The following ADAMTS12 variants were observed in gnomAD, a reference collection of about 807,000 sequenced individuals.
The protein encoded by ADAMTS12 is A disintegrin and metalloproteinase with thrombospondin motifs 12.
ADAMTS12 carries 118 observed loss-of-function variants against 167.8 expected under a neutral mutation model. The ratio of observed to expected loss-of-function variants is 0.70; its 90% confidence interval spans 0.61 to 0.82. The LOEUF (loss-of-function observed/expected upper bound fraction) is 0.82. Ranked by LOEUF, ADAMTS12 falls within the 40% of genes least tolerant of loss-of-function variation. ADAMTS12 has a pLI of 0.00. For missense variants in ADAMTS12, 1,916 were observed against 1,998.8 expected, an observed-to-expected ratio of 0.96 and a Z score of 0.79; for synonymous variants, 704 against 716.9, an observed-to-expected ratio of 0.98 and a Z score of 0.29.
At chr5:33,711,240 T>A (rs1743392309) in intron 3 of ADAMTS12, among the ~76,000 whole-genome samples, 1 of 151,970 alleles carries the variant, frequency 6.6e-6, no homozygotes, top group African/African-American at 2.4e-5. Context: ...TCCAGCCACA[T>A]CCCCACCTCC....
chr5:33,602,488 A>C (rs766900924), intron 16 of ADAMTS12, among the ~76,000 whole-genome samples: 49 of 152,328 alleles, frequency 3.2e-4, no homozygotes, highest in South Asian at 1.5e-3. Context: ...GAAGTCCTAC[A>C]TTATGACAGA....
rs1312800606 is a variant in ADAMTS12, at chr5:33,728,843, T to C, written c.634+22561A>G. Among the ~76,000 whole-genome samples the C allele has an allele frequency of 4.6e-5, 7 of 152,386 alleles. No individual in the cohort carries two copies. The East Asian group carries it at 1.3e-3, about 29-fold the overall frequency. On this transcript the variant is annotated intron_variant, in intron 3 of 23. Coordinates refer to ENST00000504830, the MANE Select transcript of ADAMTS12 (RefSeq NM_030955.4). Reference sequence around the variant, plus strand: ...TCATCATTTCACCTCTCAGTTGTACTAATCTCATTTATAAAGTATATTTCA... The same window carrying C: ...TCATCATTTCACCTCTCAGTTGTACCAATCTCATTTATAAAGTATATTTCA...
intron 2 of ADAMTS12, among the ~76,000 whole-genome samples, chr5:33,835,235 G>A (rs1214192108): frequency 6.6e-6 from 1 of 152,120 alleles, no homozygotes; most frequent in Non-Finnish European, 1.5e-5. Context: ...AAAGGCAGGG[G>A]GGCCATGTCT....
intron 22 of ADAMTS12, among the ~76,000 whole-genome samples, chr5:33,544,764 G>A (rs888917294): frequency 2.0e-5 from 3 of 152,296 alleles, no homozygotes; most frequent in Admixed American, 2.0e-4. Context: ...TATGGGGAAA[G>A]GATTCCCTAT....
At chr5:33,632,222 G>C (rs907979352) in intron 12 of ADAMTS12, among the ~76,000 whole-genome samples, 1 of 152,134 alleles carries the variant, frequency 6.6e-6, no homozygotes, top group African/African-American at 2.4e-5. Flanking sequence ...TAAAGATGGA[G>C]ATAGACTCTG....
At chr5:33,719,572 T>C (rs1743737563) in intron 3 of ADAMTS12, among the ~76,000 whole-genome samples, 1 of 152,226 alleles carries the variant, frequency 6.6e-6, no homozygotes, top group African/African-American at 2.4e-5. Flanking sequence ...AGCTGTCCAA[T>C]GAGTGTCTAT....
chr5:33,553,659 A>G (rs1745358741), intron 20 of ADAMTS12, among the ~76,000 whole-genome samples: 1 of 152,198 alleles, frequency 6.6e-6, no homozygotes, highest in Non-Finnish European at 1.5e-5. Context: ...TGGGAGCTAA[A>G]TGATGAGAAC....
chr5:33,658,707 A>G (rs377603157), intron 6 of ADAMTS12, among the ~76,000 whole-genome samples: 1 of 152,316 alleles, frequency 6.6e-6, no homozygotes. Context: ...GAGTTTTTCA[A>G]ATATGAAAAT....
At chr5:33,793,396 TAC>T (rs1304856244) in intron 2 of ADAMTS12, among the ~76,000 whole-genome samples, 6 of 152,250 alleles carry the variant, frequency 3.9e-5, no homozygotes, top group African/African-American at 1.2e-4. Flanking sequence ...TTTTTTTGAT[TAC>T]TTAAGAATAA....
intron 3 of ADAMTS12, among the ~76,000 whole-genome samples, chr5:33,684,857 C>T (rs1461238173): frequency 6.6e-6 from 1 of 152,162 alleles, no homozygotes; most frequent in African/African-American, 2.4e-5. Context: ...TTCTCAAAAT[C>T]CCAGAATACT....
Position 33,549,272 on chromosome 5 carries a change from G to T in ADAMTS12, c.4237C>A (p.Pro1413Thr). 1 of 1,614,228 alleles carries T rather than the reference G, an allele frequency of 6.2e-7. No individual in the cohort carries two copies. Among genetic ancestry groups the T allele is most frequent in the Non-Finnish European group, 8.5e-7 (1 of 1,180,040 alleles). The change falls in exon 21 of 24, where the codon CCC becomes ACC. Residue 1413 changes from proline (P) to threonine (T), a missense_variant. Transcript: ENST00000504830. ...FHCQFLAGIP[P>T]PLSMSCNPEP... Reference sequence around the variant, plus strand: ...GGGTTACAGCTCATGCTCAATGGGGGAGGAATGCCGGCCAGGAACTGGCAG... The same window carrying T: ...GGGTTACAGCTCATGCTCAATGGGGTAGGAATGCCGGCCAGGAACTGGCAG...
chr5:33,664,268 G>T (rs1323820214), intron 5 of ADAMTS12, among the ~76,000 whole-genome samples: 1 of 152,020 alleles, frequency 6.6e-6, no homozygotes, highest in Non-Finnish European at 1.5e-5. Context: ...TCATATTAAG[G>T]CTTACTATAT....
intron 2 of ADAMTS12, among the ~76,000 whole-genome samples, chr5:33,811,764 G>A (rs990348935): frequency 6.6e-6 from 1 of 152,202 alleles, no homozygotes; most frequent in African/African-American, 2.4e-5. Context: ...AGCCTGTAGG[G>A]AAATAAAGTA....
intron 2 of ADAMTS12, among the ~76,000 whole-genome samples, chr5:33,876,157 A>G (rs1258110558): frequency 1.3e-5 from 2 of 152,222 alleles, no homozygotes; most frequent in Non-Finnish European, 2.9e-5. Context: ...GAAGATCTAA[A>G]TAAATCAAGA....
chr5:33,719,315 GGA>G (rs1157705437), intron 3 of ADAMTS12, among the ~76,000 whole-genome samples: 6 of 152,084 alleles, frequency 3.9e-5, no homozygotes. Context: ...GAAACCAAGA[GGA>G]CTTTGTTTCT....
intron 2 of ADAMTS12, among the ~76,000 whole-genome samples, chr5:33,806,700 T>C (rs1169210873): frequency 6.6e-6 from 1 of 152,122 alleles, no homozygotes; most frequent in African/African-American, 2.4e-5. Flanking sequence ...ATCTTCTAAA[T>C]GTGTTGGTTA....
At chr5:33,548,082 C>T (rs528498155) in intron 21 of ADAMTS12, among the ~76,000 whole-genome samples, 4 of 152,130 alleles carry the variant, frequency 2.6e-5, no homozygotes, top group African/African-American at 7.2e-5. Flanking sequence ...GTAAGTAACT[C>T]GGGGCTCAGT....
At chr5:33,811,334 A>C (rs1747453627) in intron 2 of ADAMTS12, among the ~76,000 whole-genome samples, 1 of 152,224 alleles carries the variant, frequency 6.6e-6, no homozygotes, top group African/African-American at 2.4e-5. Context: ...ATAGTTTTTT[A>C]GAAGGTAGTC....
At chr5:33,746,660 T>C (rs375415443) in intron 3 of ADAMTS12, among the ~76,000 whole-genome samples, 17 of 152,334 alleles carry the variant, frequency 1.1e-4, no homozygotes, top group East Asian at 5.8e-4. Flanking sequence ...CATGATGATG[T>C]TCTTTATGTG....
Sources: allele counts gnomAD v4.1 joint callset (sites outside exome capture counted in the v4.1 genomes callset), GRCh38; gene constraint gnomAD v4.1.1; transcripts MANE v1.5; gene names NCBI Gene and HGNC (gene_info 2026-07-23, HGNC 2026-07-21).